The following PDE10A variants were observed in gnomAD, a reference collection of about 807,000 sequenced individuals.
The protein encoded by PDE10A is phosphodiesterase 10A, also known as cAMP and cAMP-inhibited cGMP 3',5'-cyclic phosphodiesterase 10A.
Under a neutral mutation model 97.7 loss-of-function variants are expected in PDE10A, and 39 were observed. The ratio of observed to expected loss-of-function variants is 0.40; its 90% CI spans 0.31 to 0.52. The LOEUF is 0.52. PDE10A is among the 20% of genes least tolerant of loss of function. PDE10A has a pLI of 0.56. For missense variants in PDE10A, 731 were observed against 1,047.8 expected (o/e 0.70, Z 4.17); for synonymous variants, 371 against 376.8 (o/e 0.98, Z 0.18).
intron 1 of PDE10A, among the ~76,000 whole-genome samples, chr6:165,917,554 G>T (rs1034382789): frequency 1.3e-5 from 2 of 152,218 alleles, no homozygotes; most frequent in Non-Finnish European, 2.9e-5. Flanking sequence ...GGCAAATTTA[G>T]GGAAAAGACG....
At chr6:165,339,194 A>G (rs1781827849) in intron 20 of PDE10A, 84 bp downstream of exon 20, 9 of 820,032 alleles carry the variant, frequency 1.1e-5, no homozygotes, top group East Asian at 7.3e-5. Flanking sequence ...ATATATGATG[A>G]CATGCTTTCC....
intron 1 of PDE10A, among the ~76,000 whole-genome samples, chr6:165,747,443 G>A (rs186612328): frequency 2.1e-3 from 326 of 152,250 alleles, no homozygotes; most frequent in African/African-American, 7.6e-3. Context: ...CAATGATACT[G>A]TGAATTAGAC....
intron 1 of PDE10A, among the ~76,000 whole-genome samples, chr6:165,877,905 G>A (rs1402653164): frequency 6.6e-6 from 1 of 152,180 alleles, no homozygotes; most frequent in Non-Finnish European, 1.5e-5. Flanking sequence ...AAGCCTCAGA[G>A]AGACTAAGTA....
rs1406494673 is a variant in PDE10A at position 165,327,389 on chromosome 6, T to C, written c.*5636A>G. 3 of 152,232 alleles carry C rather than the reference T, an allele frequency of 2.0e-5. No individual in the cohort carries two copies. The highest frequency in any genetic ancestry group is 7.2e-5 in the African/African-American group (3 of 41,466). The allele number at this position is 152,232 out of a possible 1,614,324, so 9.4% of individuals were successfully genotyped here. On this transcript the variant is annotated 3_prime_UTR_variant, in exon 22 of 22. Coordinates refer to ENST00000539869, the MANE Select transcript of PDE10A (RefSeq NM_001385079.1). Reference sequence around the variant, plus strand: ...TCATGTATCATACATATATATATTTTATGTGTATAATTACATATCAACAAA... The same window carrying C: ...TCATGTATCATACATATATATATTTCATGTGTATAATTACATATCAACAAA...
At chr6:165,544,005 C>T (rs1207515965) in intron 1 of PDE10A, among the ~76,000 whole-genome samples, 1 of 152,044 alleles carries the variant, frequency 6.6e-6, no homozygotes, top group Non-Finnish European at 1.5e-5. Context: ...TGAACCAATG[C>T]CAAGAACCAA....
chr6:165,817,624 C>G (rs112610341), intron 1 of PDE10A, among the ~76,000 whole-genome samples: 1,836 of 152,224 alleles, frequency 0.012, 35 homozygotes, highest in African/African-American at 0.043. Context: ...GATGGCTGGT[C>G]CCTGCAACAG....
chr6:165,614,765 C>T (rs1787648933), intron 1 of PDE10A, among the ~76,000 whole-genome samples: 1 of 151,232 alleles, frequency 6.6e-6, no homozygotes, highest in South Asian at 2.1e-4. Flanking sequence ...ATGGAGAGAA[C>T]ATTTTAAAAT....
intron 1 of PDE10A, among the ~76,000 whole-genome samples, chr6:165,976,029 A>C (rs1240661067): frequency 6.6e-6 from 1 of 152,256 alleles, no homozygotes; most frequent in East Asian, 1.9e-4. Context: ...CTGAACAACA[A>C]AAATGGGAGT....
At chr6:165,847,958 T>TGA (rs1780465337) in intron 1 of PDE10A, among the ~76,000 whole-genome samples, 1 of 152,196 alleles carries the variant, frequency 6.6e-6, no homozygotes, top group African/African-American at 2.4e-5. Flanking sequence ...TGTGCTACTG[T>TGA]CTCAGGGACC....
chr6:165,598,089 A>G (rs1786711338), intron 1 of PDE10A, among the ~76,000 whole-genome samples: 1 of 152,194 alleles, frequency 6.6e-6, no homozygotes. Flanking sequence ...ATTTTAAGAG[A>G]GTCTTTTTCC....
chr6:165,910,648 C>A (rs1401372548), intron 1 of PDE10A, among the ~76,000 whole-genome samples: 2 of 152,132 alleles, frequency 1.3e-5, no homozygotes, highest in Non-Finnish European at 2.9e-5. Context: ...TCAATTTCTC[C>A]ATTTCCACCC....
chr6:165,657,569 T>A (rs904674181), intron 1 of PDE10A, among the ~76,000 whole-genome samples: 4 of 152,242 alleles, frequency 2.6e-5, no homozygotes, highest in Non-Finnish European at 4.4e-5. Flanking sequence ...AATATTTGCT[T>A]GACTGACTGT....
chr6:165,967,022 T>G (rs932481635), intron 1 of PDE10A, among the ~76,000 whole-genome samples: 1 of 152,206 alleles, frequency 6.6e-6, no homozygotes, highest in Non-Finnish European at 1.5e-5. Context: ...GAAATTTGAC[T>G]GCTAAGCTTC....
At chr6:165,339,131 A>C in intron 20 of PDE10A, 147 bp downstream of exon 20, 1 of 674,408 alleles carries the variant, frequency 1.5e-6, no homozygotes, top group South Asian at 1.6e-5. Context: ...AAATTTCTGA[A>C]GTTTCTATAT....
intron 1 of PDE10A, among the ~76,000 whole-genome samples, chr6:165,652,954 G>A (rs114595356): frequency 1.6e-3 from 247 of 152,240 alleles, no homozygotes; most frequent in African/African-American, 5.5e-3. Context: ...GCTGCTCCAC[G>A]CCAAGCCATG....
chr6:165,896,310 C>A (rs1781946659), intron 1 of PDE10A, among the ~76,000 whole-genome samples: 1 of 152,040 alleles, frequency 6.6e-6, no homozygotes, highest in Admixed American at 6.6e-5. Flanking sequence ...ATTTTAGTAA[C>A]TGAAACACCT....
At chr6:165,460,912 T>C (rs1193952770) in intron 3 of PDE10A, among the ~76,000 whole-genome samples, 1 of 152,186 alleles carries the variant, frequency 6.6e-6, no homozygotes, top group Non-Finnish European at 1.5e-5. Context: ...AAAAACAAAG[T>C]TCCTGCCAAA....
chr6:165,766,552 G>C (rs769224260), intron 1 of PDE10A, among the ~76,000 whole-genome samples: 13 of 152,216 alleles, frequency 8.5e-5, no homozygotes, highest in Non-Finnish European at 1.6e-4. Flanking sequence ...TCTTCCGTGG[G>C]ATTGTTTTGC....
At chr6:165,643,729 A>G (rs1040320072) in intron 1 of PDE10A, among the ~76,000 whole-genome samples, 4 of 152,232 alleles carry the variant, frequency 2.6e-5, no homozygotes, top group African/African-American at 9.6e-5. Context: ...TGGTCAAAGC[A>G]TACAGTTTCC....
Sources: gnomAD v4.1 joint callset for allele counts (sites outside exome capture counted in the v4.1 genomes callset) on GRCh38, gnomAD v4.1.1 for gene constraint, MANE v1.5 for transcripts, NCBI Gene and HGNC (gene_info 2026-07-23, HGNC 2026-07-21) for gene names.